The following GINS4 variants were observed in gnomAD, a reference collection of about 807,000 sequenced individuals.
GINS4 encodes DNA replication complex GINS protein SLD5.
GINS4 carries 20 observed loss-of-function variants against 31.1 expected under a neutral mutation model. That is an observed-to-expected ratio of 0.64 (90% confidence interval 0.45 to 0.93). The LOEUF is 0.93. Among genes scored for constraint, GINS4 ranks in the 40% least tolerant of loss-of-function variants. The probability of loss-of-function intolerance (pLI) is 0.00; values close to 1 mark genes in which losing one functional copy is unlikely to be tolerated. For synonymous variants in GINS4, 85 were observed against 97.9 expected (o/e 0.87, Z 0.78); for missense variants, 245 against 273.9 (o/e 0.89, Z 0.75).
chr8:41,540,317 G>A (rs753124443), intron 6 of GINS4: 24 of 413,242 alleles, frequency 5.8e-5, no homozygotes, highest in Non-Finnish European at 9.5e-5. Flanking sequence ...TGGCAGCCCC[G>A]AGTACCAGCA....
At chr8:41,535,576 C>T (rs1042977120) in intron 2 of GINS4, among the ~76,000 whole-genome samples, 1 of 152,116 alleles carries the variant, frequency 6.6e-6, no homozygotes, top group South Asian at 2.1e-4. Flanking sequence ...GAAGCAGACA[C>T]TCAAGGACGT....
At chr8:41,531,164 C>T (rs1168787410) in intron 2 of GINS4, among the ~76,000 whole-genome samples, 5 of 152,264 alleles carry the variant, frequency 3.3e-5, no homozygotes, top group East Asian at 1.9e-4. Context: ...CCCAGCTACT[C>T]GGGAGGCTAA....
chr8:41,534,200 C>T (rs948049062), intron 2 of GINS4: 12 of 359,108 alleles, frequency 3.3e-5, no homozygotes, highest in Non-Finnish European at 6.2e-5. Context: ...GCCAGGATTT[C>T]GAAGACCACT....
chr8:41,539,410 TC>T (rs1357543942), intron 4 of GINS4, among the ~76,000 whole-genome samples: 3 of 150,408 alleles, frequency 2.0e-5, no homozygotes, highest in Admixed American at 2.0e-4. Flanking sequence ...CAGTTTGACA[TC>T]TACCCATTGA....
intron 2 of GINS4, 70 bp from the exon 3 acceptor site, chr8:41,536,290 T>A: frequency 1.1e-6 from 1 of 915,198 alleles, no homozygotes; most frequent in Non-Finnish European, 1.8e-6. Context: ...TCGTTGGACT[T>A]GGGCTGACTC....
intron 2 of GINS4, among the ~76,000 whole-genome samples, chr8:41,534,615 CT>C (rs1363670608): frequency 6.6e-6 from 1 of 152,146 alleles, no homozygotes. Flanking sequence ...TTTGAATATC[CT>C]GTCATGAACA....
intron 2 of GINS4, among the ~76,000 whole-genome samples, chr8:41,531,652 A>G (rs1241615930): frequency 6.6e-6 from 1 of 152,192 alleles, no homozygotes; most frequent in African/African-American, 2.4e-5. Context: ...CTTTCATCCC[A>G]CAATAACGCA....
chr8:41,533,534 G>A (rs1046924493), intron 2 of GINS4, among the ~76,000 whole-genome samples: 8 of 152,312 alleles, frequency 5.3e-5, no homozygotes, highest in African/African-American at 1.2e-4. Context: ...GAAGTGACCC[G>A]CCACCTGCAC....
chr8:41,542,931 C>A lies in GINS4; in HGVS notation c.*844C>A, dbSNP rs999922012. The A allele has an allele frequency of 6.6e-5, 10 of 152,220 alleles. No homozygotes were observed. Among genetic ancestry groups the A allele is most frequent in the African/African-American group, 1.7e-4 (7 of 41,454 alleles). The allele number at this position is 152,220 out of a possible 1,614,324, so 9.4% of individuals were successfully genotyped here. ...CGGAGCAGCAGAGGCTCTCAGCACG[C>A]CTTTTCCCTTTGTAGTATTTTCTGA... is the stretch of plus-strand genomic sequence containing the variant. On this transcript the variant is annotated 3_prime_UTR_variant, in exon 8 of 8. Coordinates refer to ENST00000276533, the MANE Select transcript of GINS4 (RefSeq NM_032336.3).
intron 4 of GINS4, chr8:41,537,615 AGAG>A (rs1806764897): frequency 9.8e-6 from 2 of 204,840 alleles, no homozygotes. Context: ...AATGCTGACT[AGAG>A]GAGAACTTGT....
intron 2 of GINS4, among the ~76,000 whole-genome samples, chr8:41,532,842 A>AG (rs1299617756): frequency 6.6e-6 from 1 of 152,032 alleles, no homozygotes; most frequent in Non-Finnish European, 1.5e-5. Flanking sequence ...CAAAAAAAAA[A>AG]AAAAAAAAAT....
rs1161305096 is a variant in GINS4, at chr8:41,542,628, C to G, written c.*541C>G. ...TGCCATTGCACTCTAGCCTGGGCGA[C>G]AGAGCGAGACTCCATTTCCAAAAAA... On this transcript the variant is annotated 3_prime_UTR_variant, in exon 8 of 8. Coordinates refer to ENST00000276533, the MANE Select transcript of GINS4 (RefSeq NM_032336.3). 1 of 155,390 alleles carries G rather than the reference C, an allele frequency of 6.4e-6. No homozygotes were observed. 9.6% of individuals were successfully genotyped at this position (155,390 alleles called of 1,614,324 possible).
Position 41,542,909 on chromosome 8 carries a change from A to G in GINS4, c.*822A>G, listed in dbSNP as rs1247947278. 6.6e-6 allele frequency: 1 copy of G among 152,206 alleles called. No individual in the cohort carries two copies. Among genetic ancestry groups the G allele is most frequent in the Non-Finnish European group, 1.5e-5 (1 of 68,046 alleles). The allele number at this position is 152,206 out of a possible 1,614,324, so 9.4% of individuals were successfully genotyped here. A position where few individuals can be genotyped will look rare whatever the true frequency, so the allele number is the denominator to read the frequency against. ...ACTGTTTGTTCTGCACACTTGGCGG[A>G]GCAGCAGAGGCTCTCAGCACGCCTT... On this transcript the variant is annotated 3_prime_UTR_variant, in exon 8 of 8. Transcript: ENST00000276533.
intron 4 of GINS4, 77 bp from the exon 5 acceptor site, chr8:41,539,601 A>T (rs1472646623): frequency 4.8e-6 from 5 of 1,048,622 alleles, no homozygotes; most frequent in South Asian, 1.4e-5. Context: ...GGTTGTGTAA[A>T]CCCTCTTTAT....
chr8:41,533,083 G>A (rs4736816), intron 2 of GINS4, among the ~76,000 whole-genome samples: 71,235 of 151,862 alleles, frequency 0.47, 17,785 homozygotes, highest in African/African-American at 0.65. Flanking sequence ...CTAGACAACC[G>A]TAAACAAATA....
chr8:41,534,417 T>TA lies in GINS4; in HGVS notation c.97-1929dup, dbSNP rs770382527. On this transcript the variant is annotated intron_variant, in intron 2 of 7. Transcript: ENST00000276533. Reference sequence around the variant, plus strand: ...GCCATTTCAAGCATAAAACCTGAGTTAAAAAAAAAAAAAAGATTGGATTTA... The same window carrying TA: ...GCCATTTCAAGCATAAAACCTGAGTTAAAAAAAAAAAAAAAGATTGGATTTA... 729 of 146,338 alleles carry TA rather than the reference T, an allele frequency of 5.0e-3. 5 individuals are homozygous for TA. Among genetic ancestry groups the TA allele is most frequent in the Middle Eastern group, 6.1e-3 (10 of 1,638 alleles). The allele number at this position is 146,338 out of a possible 1,614,324, so 9.1% of individuals were successfully genotyped here. A position where few individuals can be genotyped will look rare whatever the true frequency, so the allele number is the denominator to read the frequency against.
intron 2 of GINS4, among the ~76,000 whole-genome samples, chr8:41,530,643 T>C (rs1806635390): frequency 6.6e-6 from 1 of 152,240 alleles, no homozygotes; most frequent in African/African-American, 2.4e-5. Flanking sequence ...CCCTGGAGAA[T>C]GCCTGTTTAG....
At chr8:41,536,134 T>G (rs1340717066) in intron 2 of GINS4, among the ~76,000 whole-genome samples, 1 of 152,214 alleles carries the variant, frequency 6.6e-6, no homozygotes, top group Non-Finnish European at 1.5e-5. Context: ...TGTATGAGTG[T>G]CAGTTGAATA....
chr8:41,530,336 C>T, intron 2 of GINS4, 38 bp downstream of exon 2: 1 of 1,453,404 alleles, frequency 6.9e-7, no homozygotes, highest in Non-Finnish European at 9.6e-7. Context: ...CTCCAGTCAG[C>T]CTTTTTATTT....
Sources: allele counts gnomAD v4.1 joint callset (sites outside exome capture counted in the v4.1 genomes callset), GRCh38; gene constraint gnomAD v4.1.1; transcripts MANE v1.5; gene names NCBI Gene and HGNC (gene_info 2026-07-23, HGNC 2026-07-21).